The following VWF variants were observed in gnomAD, a reference collection of about 807,000 sequenced individuals.
VWF encodes von Willebrand factor.
Under a neutral mutation model 308.6 loss-of-function variants are expected in VWF, and 176 were observed. The observed-to-expected ratio is 0.57, with a 90% CI of 0.50 to 0.65. The LOEUF (loss-of-function observed/expected upper bound fraction) is 0.65, where lower values mean the gene tolerates loss of function less well. Among genes scored for constraint, VWF ranks in the 30% least tolerant of loss-of-function variants. The probability of loss-of-function intolerance (pLI) is 0.00; values close to 1 mark genes in which losing one functional copy is unlikely to be tolerated. For missense variants in VWF, 3,146 were observed against 3,648.2 expected (o/e 0.86, Z 3.55); for synonymous variants, 1,385 against 1,443.4 (o/e 0.96, Z 0.92).
At chr12:6,092,342 G>A (rs933843251) in intron 6 of VWF, among the ~76,000 whole-genome samples, 5 of 151,278 alleles carry the variant, frequency 3.3e-5, no homozygotes, top group African/African-American at 4.9e-5. Flanking sequence ...CCCTTTTTGC[G>A]GGTTTTTTTT....
Position 6,046,668 on chromosome 12 carries a change from G to T in VWF, c.2281+55C>A, listed in dbSNP as rs1944449323. 2.6e-6 allele frequency: 4 copies of T among 1,535,520 alleles called. No individual in the cohort carries two copies. The highest frequency in any genetic ancestry group is 2.2e-5 in the East Asian group (1 of 44,514). On this transcript the variant is annotated intron_variant, in intron 17 of 51. Transcript: ENST00000261405. This position sits in a 1 kb window ranked among gnomAD's most constrained non-coding sequence, Gnocchi z 5.0. ...CCAGCTCTCTCCCGCCATTCCACAC[G>T]TGAGGAATCTGGGCAGGATGGAGTC...
chr12:6,119,546 A>T (rs898560847), intron 3 of VWF, among the ~76,000 whole-genome samples: 1 of 151,206 alleles, frequency 6.6e-6, no homozygotes. Context: ...CCTCACACAC[A>T]CTCTGTAAAC....
chr12:6,009,388 G>A (rs1282324459), intron 34 of VWF, among the ~76,000 whole-genome samples: 1 of 150,948 alleles, frequency 6.6e-6, no homozygotes, highest in Non-Finnish European at 1.5e-5. Flanking sequence ...AAACCATAAT[G>A]AGGTATCACC....
chr12:5,952,874 T>C (rs1943208261), intron 48 of VWF, among the ~76,000 whole-genome samples: 1 of 152,188 alleles, frequency 6.6e-6, no homozygotes, highest in South Asian at 2.1e-4. Flanking sequence ...CCAGAGTTTG[T>C]TTCACGCTGA....
At chr12:6,100,518 T>C (rs1386900834) in intron 5 of VWF, among the ~76,000 whole-genome samples, 1 of 151,340 alleles carries the variant, frequency 6.6e-6, no homozygotes, top group African/African-American at 2.4e-5. Context: ...ATAGACTGGA[T>C]TAAGAAAATG....
rs1943663165 is a variant in VWF, at chr12:5,985,107, C to T, written c.6914G>A (p.Gly2305Asp). The change falls in exon 40 of 52, where the codon GGC becomes GAC. Residue 2305 changes from glycine (G) to aspartate (D), a missense_variant. By Grantham distance (94) the Gly-to-Asp change is moderately conservative. Transcript: ENST00000261405. ...GCGGAGGCGGGCTACTTCACACAGG[C>T]CACACGTGGGAGCTAGAGGAGAGGA... ...PCPTAKAPTC[G>D]LCEVARLRQN... 1 of 1,614,192 alleles carries T rather than the reference C, an allele frequency of 6.2e-7. No individual in the cohort carries two copies. Among genetic ancestry groups the T allele is most frequent in the Non-Finnish European group, 8.5e-7 (1 of 1,180,030 alleles).
At chr12:6,048,706 G>A (rs1019182314) in intron 16 of VWF, among the ~76,000 whole-genome samples, 4 of 148,834 alleles carry the variant, frequency 2.7e-5, no homozygotes, top group African/African-American at 7.5e-5. Context: ...CAAGTGATCC[G>A]CCCACCTCGG....
chr12:6,103,458 G>A (rs146976885), intron 5 of VWF, among the ~76,000 whole-genome samples: 8,899 of 76,458 alleles, frequency 0.12, 1,804 homozygotes, highest in African/African-American at 0.46. Context: ...ACATATATGT[G>A]TATATACACA....
At chr12:5,951,699 T>C (rs1943192620) in intron 50 of VWF, 145 bp downstream of exon 50, 4 of 926,040 alleles carry the variant, frequency 4.3e-6, no homozygotes, top group Non-Finnish European at 5.3e-6. Context: ...GACTGACCAG[T>C]GGTCACGAAA....
chr12:5,972,205 T>C (rs1042404625), intron 43 of VWF, among the ~76,000 whole-genome samples: 40 of 152,244 alleles, frequency 2.6e-4, no homozygotes, highest in African/African-American at 8.4e-4. Context: ...ATTTACCTAG[T>C]AATTTATAGG....
intron 15 of VWF, among the ~76,000 whole-genome samples, chr12:6,054,636 AG>A (rs1353282774): frequency 2.6e-5 from 4 of 152,198 alleles, no homozygotes; most frequent in African/African-American, 9.7e-5. Context: ...CCTTGCCTTC[AG>A]AAAGCCTGTG....
rs1162620676 is a variant in VWF, at chr12:6,103,411, CACACGTGTGTGTAT to C, written c.532+6949_532+6962del. ...GTGTGTGTATACACGTGTGTGTATACACACGTGTGTGTATACACACGTGTGTATATACATACACA... is the reference window on the plus strand; with the variant it reads ...GTGTGTGTATACACGTGTGTGTATACACACACGTGTGTATATACATACACA... On this transcript the variant is annotated intron_variant, in intron 5 of 51. Coordinates refer to ENST00000261405, the MANE Select transcript of VWF (RefSeq NM_000552.5). Among the ~76,000 whole-genome samples the C allele has an allele frequency of 3.4e-3, 339 of 99,570 alleles. 19 individuals carry two copies. The highest frequency in any genetic ancestry group is 0.028 in the East Asian group (121 of 4,356). 65.3% of individuals were successfully genotyped at this position (99,570 alleles called of 152,430 possible). A position where few individuals can be genotyped will look rare whatever the true frequency, so the allele number is the denominator to read the frequency against.
intron 50 of VWF, among the ~76,000 whole-genome samples, chr12:5,951,197 G>T (rs146206735): frequency 5.8e-4 from 88 of 152,248 alleles, no homozygotes; most frequent in Non-Finnish European, 8.8e-5. Context: ...TGTATGGGAA[G>T]AACACTGTCT....
rs113188746 is a variant in VWF, at chr12:6,097,561, T to C, written c.533-1977A>G. On this transcript the variant is annotated intron_variant, in intron 5 of 51. Transcript: ENST00000261405. Reference sequence around the variant, plus strand: ...GGCAGAGACTGGAATGATGTAGCCATGAGTCAGGTATGACTGCAGATGGTA... The same window carrying C: ...GGCAGAGACTGGAATGATGTAGCCACGAGTCAGGTATGACTGCAGATGGTA... Among the ~76,000 whole-genome samples the C allele has an allele frequency of 1.8e-3, 278 of 152,302 alleles. 1 individual carries two copies. The highest frequency in any genetic ancestry group is 6.0e-3 in the African/African-American group (251 of 41,560).
chr12:6,067,542 AT>A (rs1192128279), intron 10 of VWF, among the ~76,000 whole-genome samples: 1 of 152,160 alleles, frequency 6.6e-6, no homozygotes, highest in East Asian at 1.9e-4. Context: ...AAGTCTAAAT[AT>A]TATATGAGCT....
intron 39 of VWF, 89 bp from the exon 40 acceptor site, chr12:5,985,208 T>C: frequency 7.4e-7 from 1 of 1,348,562 alleles, no homozygotes; most frequent in Non-Finnish European, 1.1e-6. Flanking sequence ...CACTGAAAAC[T>C]AGTAGGAGTT....
At chr12:5,964,246 A>ACATGCATG (rs1555189790) in intron 47 of VWF, among the ~76,000 whole-genome samples, 1 of 133,170 alleles carries the variant, frequency 7.5e-6, no homozygotes, top group African/African-American at 3.3e-5. Flanking sequence ...ATACATACAT[A>ACATGCATG]CATGCATACA....
intron 5 of VWF, among the ~76,000 whole-genome samples, chr12:6,102,346 G>A (rs2136508992): frequency 6.6e-6 from 1 of 152,330 alleles, no homozygotes; most frequent in East Asian, 1.9e-4. Context: ...AGAGGCTGAG[G>A]CAGGAGAATA....
At position 6,046,096 on chromosome 12, in the gene VWF, T is replaced by C. The variant is rs1944444020; in HGVS notation, c.2281+627A>G. Among the ~76,000 whole-genome samples, 1 of 152,226 alleles carries C rather than the reference T, an allele frequency of 6.6e-6. No individual in the cohort carries two copies. Among genetic ancestry groups the C allele is most frequent in the East Asian group, 1.9e-4 (1 of 5,160 alleles). ...AAAATTAGCCAGGTGTGGTGGCGCA[T>C]GCCTGTAATTCCAGCTACTTGGGAG... is the stretch of plus-strand genomic sequence containing the variant. On this transcript the variant is annotated intron_variant, in intron 17 of 51. Coordinates refer to ENST00000261405, the MANE Select transcript of VWF (RefSeq NM_000552.5). This position sits in a 1 kb window ranked among gnomAD's most constrained non-coding sequence, Gnocchi z 5.0.
Sources: allele counts gnomAD v4.1 joint callset (sites outside exome capture counted in the v4.1 genomes callset), GRCh38; gene constraint gnomAD v4.1.1; non-coding constraint Gnocchi (gnomAD v3.1); transcripts MANE v1.5; gene names NCBI Gene and HGNC (gene_info 2026-07-23, HGNC 2026-07-21).